Variants in TNPO2 observed in about 807,000 individuals in gnomAD.
TNPO2 encodes the protein transportin 2, also known as transportin-2.
A neutral mutation model predicts 111.1 loss-of-function variants in TNPO2; 16 were observed. The ratio of observed to expected loss-of-function variants is 0.14; its 90% confidence interval spans 0.10 to 0.22. The LOEUF is 0.22. TNPO2 is among the 10% of genes least tolerant of loss of function. TNPO2 has a pLI of 1.00. For missense variants in TNPO2, 530 were observed against 1,173.7 expected (o/e 0.45, Z 8.01); for synonymous variants, 481 against 475.8 (o/e 1.01, Z -0.14).
At chr19:12,711,704 A>G in intron 10 of TNPO2, 91 bp from the exon 11 acceptor site, 1 of 1,102,132 alleles carries the variant, frequency 9.1e-7, no homozygotes, top group Non-Finnish European at 1.3e-6. Context: ...ACAGGTGCCA[A>G]CAGAGTGACC....
At position 12,719,439 on chromosome 19, in the gene TNPO2, G is replaced by A; in HGVS notation, c.100-103C>T. On this transcript the variant is annotated intron_variant, in intron 3 of 25. Coordinates refer to ENST00000425528, the MANE Select transcript of TNPO2 (RefSeq NM_001382241.1). The surrounding 1 kb of genome is among the most constrained non-coding windows in gnomAD (Gnocchi z 5.0). ...TCTGACCACTGGGACCAGGCTGCCA[G>A]CTCCTGGGGGATCCCGCTCCCTAAT... The A allele has an allele frequency of 1.1e-6, 1 of 948,664 alleles. No individual in the cohort carries two copies. The highest frequency in any genetic ancestry group is 1.7e-6 in the Non-Finnish European group (1 of 598,818). 58.8% of individuals were successfully genotyped at this position (948,664 alleles called of 1,614,324 possible). A position where few individuals can be genotyped will look rare whatever the true frequency, so the allele number is the denominator to read the frequency against.
In TNPO2 at chr19:12,705,252, G is replaced by A. The variant is rs773126779; in HGVS notation, c.2010C>T (p.Phe670=). Residue 670 remains phenylalanine (F), a synonymous_variant, in exon 18 of 26, where the codon TTC becomes TTT. Transcript: ENST00000425528. This position sits in a 1 kb window ranked among gnomAD's most constrained non-coding sequence, Gnocchi z 7.2. ...VARSNIMTLL[F]QCMQDSMPEV... The stretch of plus-strand genomic sequence containing the variant: ...GGTCCCCACCCACCTGCATGCACTG[G>A]AACAGCAATGTCATGATGTTGCTGC... The A allele has an allele frequency of 6.2e-7, 1 of 1,605,200 alleles. No homozygotes were observed. Among genetic ancestry groups the A allele is most frequent in the Non-Finnish European group, 8.5e-7 (1 of 1,176,354 alleles).
At chr19:12,703,216 T>C (rs779848535) in intron 20 of TNPO2, among the ~76,000 whole-genome samples, 3 of 152,120 alleles carry the variant, frequency 2.0e-5, no homozygotes, top group Non-Finnish European at 2.9e-5. Flanking sequence ...ATGAGTCTTT[T>C]AGCCAACTAC....
intron 13 of TNPO2, among the ~76,000 whole-genome samples, chr19:12,708,865 C>A (rs759577686): frequency 9.3e-5 from 14 of 151,344 alleles, no homozygotes; most frequent in Non-Finnish European, 1.8e-4. Flanking sequence ...GAGCAAAACT[C>A]CGTCTCAAAA....
At position 12,719,395 on chromosome 19, in the gene TNPO2, T is replaced by C. The variant is rs10413249; in HGVS notation, c.100-59A>G. On this transcript the variant is annotated intron_variant, in intron 3 of 25. Coordinates refer to ENST00000425528, the MANE Select transcript of TNPO2 (RefSeq NM_001382241.1). The surrounding 1 kb of genome is among the most constrained non-coding windows in gnomAD (Gnocchi z 5.0). ...GCCTTCCCCCAGCCAGGTCCCCTCA[T>C]TATGTACCTGACACTATCTCTGACC... 0.041 allele frequency: 58,803 copies of C among 1,449,076 alleles called. 10,190 individuals are homozygous for C. In the African/African-American group the frequency reaches 0.51, roughly 13 times the overall value. The allele number at this position is 1,449,076 out of a possible 1,614,324, so 89.8% of individuals were successfully genotyped here.
intron 5 of TNPO2, among the ~76,000 whole-genome samples, chr19:12,717,504 T>G (rs2145597977): frequency 6.6e-6 from 1 of 152,080 alleles, no homozygotes; most frequent in South Asian, 2.1e-4. Context: ...ACTCCTGACC[T>G]CAGGTGATCC....
intron 20 of TNPO2, 90 bp downstream of exon 20, chr19:12,703,338 G>C: frequency 8.1e-7 from 1 of 1,231,730 alleles, no homozygotes; most frequent in Admixed American, 1.8e-5. Flanking sequence ...GACTTGCCTT[G>C]AAGGAAGCTG....
Position 12,721,944 on chromosome 19 carries a change from G to C in TNPO2, c.-13-954C>G, listed in dbSNP as rs904899782. 4.7e-5 allele frequency among the ~76,000 whole-genome samples: 7 copies of C among 148,558 alleles called. No individual in the cohort carries two copies. The highest frequency in any genetic ancestry group is 2.7e-4 in the Admixed American group (4 of 14,706). On this transcript the variant is annotated intron_variant, in intron 2 of 25. Transcript: ENST00000425528. This position sits in a 1 kb window ranked among gnomAD's most constrained non-coding sequence, Gnocchi z 4.9. ...GTTCGGCCTGGGTAAACACCCCCCG[G>C]GGCATTCCCCTCAACGGATCCCAGC...
At position 12,719,245 on chromosome 19, in the gene TNPO2, G is replaced by A; in HGVS notation, c.175+16C>T. 1 of 1,613,972 alleles carries A rather than the reference G, an allele frequency of 6.2e-7. No homozygotes were observed. The highest frequency in any genetic ancestry group is 2.2e-5 in the East Asian group (1 of 44,886). On this transcript the variant is annotated intron_variant, in intron 4 of 25. Coordinates refer to ENST00000425528, the MANE Select transcript of TNPO2 (RefSeq NM_001382241.1). This position sits in a 1 kb window ranked among gnomAD's most constrained non-coding sequence, Gnocchi z 5.0. ...AAGCAGGGTCCCGATCGCATGGAAG[G>A]GAGCAGAGGGCGTACCTTCTGACTT...
At chr19:12,710,804 G>A (rs773823714) in intron 12 of TNPO2, 31 bp from the exon 13 acceptor site, 47 of 1,580,886 alleles carry the variant, frequency 3.0e-5, no homozygotes, top group Admixed American at 9.3e-5. Flanking sequence ...GGGAGGCTCA[G>A]GGCGGCCCCT....
At chr19:12,722,848 G>C in intron 2 of TNPO2, among the ~76,000 whole-genome samples, 1 of 152,174 alleles carries the variant, frequency 6.6e-6, no homozygotes, top group Non-Finnish European at 1.5e-5. Flanking sequence ...TCTTTAGCTG[G>C]AGCCAGGAGT....
Position 12,706,853 on chromosome 19 carries a change from T to A in TNPO2, c.1271-58A>T. The A allele has an allele frequency of 7.1e-7, 1 of 1,418,288 alleles. No homozygotes were observed. Among genetic ancestry groups the A allele is most frequent in the Non-Finnish European group, 9.7e-7 (1 of 1,026,800 alleles). 87.9% of individuals were successfully genotyped at this position (1,418,288 alleles called of 1,614,324 possible). A position where few individuals can be genotyped will look rare whatever the true frequency, so the allele number is the denominator to read the frequency against. On this transcript the variant is annotated intron_variant, in intron 13 of 25. Coordinates refer to ENST00000425528, the MANE Select transcript of TNPO2 (RefSeq NM_001382241.1). The surrounding 1 kb of genome is among the most constrained non-coding windows in gnomAD (Gnocchi z 7.0). ...TGATTGGGCCCAGCCACACCCACCG[T>A]ATGGAGAGAAGAGTCAGCCGCACAC...
intron 19 of TNPO2, 69 bp from the exon 20 acceptor site, chr19:12,703,595 A>C: frequency 1.3e-6 from 2 of 1,575,514 alleles, no homozygotes; most frequent in Non-Finnish European, 1.7e-6. Context: ...CTAGTCCAGC[A>C]GGCCCCATCA....
intron 13 of TNPO2, among the ~76,000 whole-genome samples, chr19:12,707,041 C>G (rs1353353679): frequency 6.6e-6 from 1 of 152,196 alleles, no homozygotes; most frequent in Non-Finnish European, 1.5e-5. Flanking sequence ...CTCTGTCGCC[C>G]AGGCTGGGGC....
In TNPO2 at chr19:12,702,248, T is replaced by A; in HGVS notation, c.2306-71A>T. 1.4e-6 allele frequency: 2 copies of A among 1,390,096 alleles called. No individual in the cohort carries two copies. The highest frequency in any genetic ancestry group is 2.0e-6 in the Non-Finnish European group (2 of 1,002,500). The allele number at this position is 1,390,096 out of a possible 1,614,324, so 86.1% of individuals were successfully genotyped here. A position where few individuals can be genotyped will look rare whatever the true frequency, so the allele number is the denominator to read the frequency against. Reference sequence around the variant, plus strand: ...GCACAAGGCACCAAGCCCCGCCCCATGAGCCCCAAGGGAATGGCTACTGCA... The same window carrying A: ...GCACAAGGCACCAAGCCCCGCCCCAAGAGCCCCAAGGGAATGGCTACTGCA... On this transcript the variant is annotated intron_variant, in intron 21 of 25. Transcript: ENST00000425528. This position sits in a 1 kb window ranked among gnomAD's most constrained non-coding sequence, Gnocchi z 5.5.
intron 18 of TNPO2, among the ~76,000 whole-genome samples, chr19:12,704,811 T>C (rs935814377): frequency 6.6e-6 from 1 of 151,986 alleles, no homozygotes; most frequent in Non-Finnish European, 1.5e-5. Context: ...GCCTTCCAAG[T>C]AGCTGGGATT....
chr19:12,706,071 G>A lies in TNPO2; in HGVS notation c.1668+125C>T, dbSNP rs1046009633. ...CTGGGAGCAGGGCGAGGGCGGGGCCGGGTCTGTCTGTCTGCCTGTCGAGGT... is the reference window on the plus strand; with the variant it reads ...CTGGGAGCAGGGCGAGGGCGGGGCCAGGTCTGTCTGTCTGCCTGTCGAGGT... On this transcript the variant is annotated intron_variant, in intron 15 of 25. Coordinates refer to ENST00000425528, the MANE Select transcript of TNPO2 (RefSeq NM_001382241.1). The surrounding 1 kb of genome is among the most constrained non-coding windows in gnomAD (Gnocchi z 7.0). The A allele has an allele frequency of 5.5e-6, 6 of 1,087,444 alleles. No homozygotes were observed. The highest frequency in any genetic ancestry group is 1.6e-5 in the African/African-American group (1 of 63,840). 67.4% of individuals were successfully genotyped at this position (1,087,444 alleles called of 1,614,324 possible).
At position 12,715,847 on chromosome 19, in the gene TNPO2, T is replaced by C. The variant is rs953904649; in HGVS notation, c.326-108A>G. The C allele has an allele frequency of 2.5e-6, 2 of 795,546 alleles. No homozygotes were observed. 49.3% of individuals were successfully genotyped at this position (795,546 alleles called of 1,614,324 possible). On this transcript the variant is annotated intron_variant, in intron 5 of 25. Transcript: ENST00000425528. The surrounding 1 kb of genome is among the most constrained non-coding windows in gnomAD (Gnocchi z 7.1). ...CTGCCTTTCTGTTCCCTAGCCCATG[T>C]ACGCCCTCTACATCCCCCCTCCTTT...
Position 12,721,147 on chromosome 19 carries a change from C to CCA in TNPO2, c.-13-158_-13-157insTG. On this transcript the variant is annotated intron_variant, in intron 2 of 25. Coordinates refer to ENST00000425528, the MANE Select transcript of TNPO2 (RefSeq NM_001382241.1). This position sits in a 1 kb window ranked among gnomAD's most constrained non-coding sequence, Gnocchi z 4.9. ...CACGCCCGCCCAAGTGCGGGGTCCC[C>CCA]GCCAGCTGCGCCATCCTCGGCCGCG... 1.4e-6 allele frequency: 2 copies of CCA among 1,431,060 alleles called. No homozygotes were observed. The highest frequency in any genetic ancestry group is 1.8e-6 in the Non-Finnish European group (2 of 1,099,910). The allele number at this position is 1,431,060 out of a possible 1,614,324, so 88.6% of individuals were successfully genotyped here.
Sources: gnomAD v4.1 joint callset for allele counts (sites outside exome capture counted in the v4.1 genomes callset) on GRCh38, gnomAD v4.1.1 for gene constraint, Gnocchi (gnomAD v3.1) non-coding constraint, MANE v1.5 for transcripts, NCBI Gene and HGNC (gene_info 2026-07-23, HGNC 2026-07-21) for gene names.